Variants in RNGTT observed in about 807,000 individuals in gnomAD.
The protein encoded by RNGTT is mRNA-capping enzyme.
In RNGTT, 33 loss-of-function variants were observed where a neutral mutation model predicts 79.3. The observed-to-expected ratio is 0.42, with a 90% confidence interval of 0.32 to 0.56. The LOEUF (loss-of-function observed/expected upper bound fraction) is 0.56, where lower values mean the gene tolerates loss of function less well. Among genes scored for constraint, RNGTT ranks in the 20% least tolerant of loss-of-function variants. The pLI, the probability that RNGTT is intolerant of heterozygous loss-of-function variation, is 0.17. For missense variants in RNGTT, 497 were observed against 739.1 expected (o/e 0.67, Z 3.80); for synonymous variants, 222 against 235.9 (o/e 0.94, Z 0.54).
At chr6:88,863,773 C>A (rs1782085700) in intron 8 of RNGTT, among the ~76,000 whole-genome samples, 1 of 152,088 alleles carries the variant, frequency 6.6e-6, no homozygotes, top group Non-Finnish European at 1.5e-5. Context: ...TTCCAAACTA[C>A]TCAACAATTT....
rs554074831 is a variant in RNGTT, at chr6:88,861,758, T to A, written c.897-7994A>T. On this transcript the variant is annotated intron_variant, in intron 8 of 15. Coordinates refer to ENST00000369485, the MANE Select transcript of RNGTT (RefSeq NM_003800.5). The stretch of plus-strand genomic sequence containing the variant: ...GTCAAAACCCCTTTCACAACCTCCT[T>A]ATATAATAGTCTCTATCTCCTTATC... 2.6e-5 allele frequency among the ~76,000 whole-genome samples: 4 copies of A among 152,276 alleles called. No homozygotes were observed. In the South Asian group the frequency reaches 8.3e-4, roughly 32 times the overall value.
intron 2 of RNGTT, among the ~76,000 whole-genome samples, chr6:88,932,473 C>T (rs1051513750): frequency 1.3e-5 from 2 of 152,154 alleles, no homozygotes; most frequent in South Asian, 4.1e-4. Flanking sequence ...ACACTCCCTC[C>T]CCTTTGAAAA....
chr6:88,666,005 A>G (rs532565960), intron 14 of RNGTT, among the ~76,000 whole-genome samples: 1 of 152,316 alleles, frequency 6.6e-6, no homozygotes, highest in South Asian at 2.1e-4. Context: ...GTCATTTGCA[A>G]CCTACTGGAG....
At chr6:88,919,252 C>A (rs973453988) in intron 4 of RNGTT, among the ~76,000 whole-genome samples, 4 of 152,190 alleles carry the variant, frequency 2.6e-5, no homozygotes, top group Non-Finnish European at 4.4e-5. Context: ...AAGTAAGCCA[C>A]AGTTTTTAAC....
At chr6:88,627,737 GACC>G (rs963546036) in intron 14 of RNGTT, among the ~76,000 whole-genome samples, 1 of 152,006 alleles carries the variant, frequency 6.6e-6, no homozygotes, top group Non-Finnish European at 1.5e-5. Context: ...AGGCACCGAA[GACC>G]ACAGACTCAC....
At chr6:88,721,353 C>A (rs1776704100) in intron 13 of RNGTT, among the ~76,000 whole-genome samples, 1 of 152,070 alleles carries the variant, frequency 6.6e-6, no homozygotes, top group Non-Finnish European at 1.5e-5. Flanking sequence ...ATGATCCCAG[C>A]CTCTCTAAAG....
intron 14 of RNGTT, among the ~76,000 whole-genome samples, chr6:88,656,817 C>T (rs1773997613): frequency 1.3e-5 from 2 of 151,266 alleles, no homozygotes; most frequent in South Asian, 2.1e-4. Flanking sequence ...AGGCCAGGCA[C>T]AGTGGCTCAT....
intron 9 of RNGTT, among the ~76,000 whole-genome samples, chr6:88,853,348 T>C (rs555752688): frequency 4.6e-5 from 7 of 151,620 alleles, no homozygotes; most frequent in African/African-American, 1.7e-4. Flanking sequence ...CTACTAAAAA[T>C]CCAAAAATTA....
At chr6:88,758,869 GTATTT>G (rs532906019) in intron 13 of RNGTT, among the ~76,000 whole-genome samples, 3 of 150,746 alleles carry the variant, frequency 2.0e-5, no homozygotes, top group Middle Eastern at 3.4e-3. Context: ...TATTTTTGCT[GTATTT>G]TATTTATTTA....
intron 13 of RNGTT, among the ~76,000 whole-genome samples, chr6:88,694,952 CTGAGAAATACATT>C (rs1159724229): frequency 6.6e-6 from 1 of 152,086 alleles, no homozygotes; most frequent in Non-Finnish European, 1.5e-5. Context: ...CTCTGGAACT[CTGAGAAATACATT>C]TGTGTTCATT....
chr6:88,958,560 G>A lies in RNGTT; in HGVS notation c.64+4786C>T, dbSNP rs1286200971. Among the ~76,000 whole-genome samples, 5 of 152,166 alleles carry A rather than the reference G, an allele frequency of 3.3e-5. 1 individual carries two copies. In the East Asian group the frequency reaches 9.7e-4, roughly 29 times the overall value. Reference sequence around the variant, plus strand: ...ATAATCCCATCAAAAAGTGGACAAAGGACATGAACAGACAAAAGAAGATAT... The same window carrying A: ...ATAATCCCATCAAAAAGTGGACAAAAGACATGAACAGACAAAAGAAGATAT... On this transcript the variant is annotated intron_variant, in intron 1 of 15. Coordinates refer to ENST00000369485, the MANE Select transcript of RNGTT (RefSeq NM_003800.5).
intron 14 of RNGTT, among the ~76,000 whole-genome samples, chr6:88,616,541 C>T (rs1224094919): frequency 6.6e-6 from 1 of 151,886 alleles, no homozygotes; most frequent in Non-Finnish European, 1.5e-5. Flanking sequence ...AATTGACGCC[C>T]ATTGTTTACT....
Position 88,900,013 on chromosome 6 carries a change from T to C in RNGTT, c.684+4702A>G, listed in dbSNP as rs564493823. ...CTTAATTAAGATATTCTGCTCCTAA[T>C]TCTCTGTAGAAGCAAAAGTAAATCC... is the stretch of plus-strand genomic sequence containing the variant. On this transcript the variant is annotated intron_variant, in intron 6 of 15. Transcript: ENST00000369485. Among the ~76,000 whole-genome samples the C allele has an allele frequency of 1.2e-4, 18 of 152,248 alleles. No homozygotes were observed. The East Asian group carries it at 3.5e-3, about 29-fold the overall frequency.
chr6:88,871,360 T>C (rs1429137885), intron 8 of RNGTT, among the ~76,000 whole-genome samples: 1 of 152,132 alleles, frequency 6.6e-6, no homozygotes, highest in Non-Finnish European at 1.5e-5. Context: ...AGAGTTTTTT[T>C]TTTTTTAAGT....
intron 12 of RNGTT, among the ~76,000 whole-genome samples, chr6:88,785,243 T>G (rs920516640): frequency 5.9e-5 from 9 of 152,088 alleles, no homozygotes; most frequent in Admixed American, 2.6e-4. Flanking sequence ...GTGAAGTCCT[T>G]ATTTATATTT....
Position 88,627,088 on chromosome 6 carries a change from T to C in RNGTT, c.1507-12693A>G, listed in dbSNP as rs1256106231. On this transcript the variant is annotated intron_variant, in intron 14 of 15. Transcript: ENST00000369485. ...AATGCAATATGCATGTCTAACACTTTTTTCTTTATAGTTATACATACAATG... is the reference window on the plus strand; with the variant it reads ...AATGCAATATGCATGTCTAACACTTCTTTCTTTATAGTTATACATACAATG... 2.6e-5 allele frequency among the ~76,000 whole-genome samples: 4 copies of C among 152,200 alleles called. No homozygotes were observed. The East Asian group carries it at 7.7e-4, about 29-fold the overall frequency.
At chr6:88,754,105 G>A (rs985882268) in intron 13 of RNGTT, among the ~76,000 whole-genome samples, 1 of 152,092 alleles carries the variant, frequency 6.6e-6, no homozygotes, top group Non-Finnish European at 1.5e-5. Context: ...AAACTATTAA[G>A]GATCCTAGGA....
chr6:88,862,164 G>C (rs1782032732), intron 8 of RNGTT, among the ~76,000 whole-genome samples: 1 of 152,156 alleles, frequency 6.6e-6, no homozygotes, highest in East Asian at 1.9e-4. Context: ...ATGCTTTCTT[G>C]TATATTAATG....
chr6:88,687,543 A>G (rs142295904), intron 13 of RNGTT, among the ~76,000 whole-genome samples: 1,754 of 152,312 alleles, frequency 0.012, 10 homozygotes, highest in South Asian at 0.025. Context: ...GACATGGCAG[A>G]GTGGTTAAAT....
Sources: gnomAD v4.1 joint callset for allele counts (sites outside exome capture counted in the v4.1 genomes callset) on GRCh38, gnomAD v4.1.1 for gene constraint, MANE v1.5 for transcripts, NCBI Gene and HGNC (gene_info 2026-07-23, HGNC 2026-07-21) for gene names.